The following PPP1R1C variants were observed in gnomAD, a reference collection of about 807,000 sequenced individuals.
PPP1R1C encodes protein phosphatase 1 regulatory subunit 1C.
PPP1R1C carries 15 observed loss-of-function variants against 17.4 expected under a neutral mutation model. The observed-to-expected ratio is 0.86, with a 90% CI of 0.58 to 1.33. The LOEUF (loss-of-function observed/expected upper bound fraction) is 1.33. PPP1R1C is among the 40% of genes most tolerant of loss of function. The pLI is 0.00. For missense variants in PPP1R1C, 143 were observed against 130.0 expected (o/e 1.10, Z -0.48); for synonymous variants, 35 against 43.1 (o/e 0.81, Z 0.73).
At chr2:182,085,804 G>C (rs6739655) in intron 4 of PPP1R1C, among the ~76,000 whole-genome samples, 1 of 151,912 alleles carries the variant, frequency 6.6e-6, no homozygotes, top group African/African-American at 2.4e-5. Context: ...AAAATGGGGC[G>C]GGTGAGCAGG....
At chr2:182,108,033 A>G (rs959655207) in intron 4 of PPP1R1C, among the ~76,000 whole-genome samples, 2 of 151,932 alleles carry the variant, frequency 1.3e-5, no homozygotes, top group African/African-American at 2.4e-5. Context: ...CCTCCTCCCT[A>G]TGGGATCATA....
At position 181,961,109 on chromosome 2, in the gene PPP1R1C, T is replaced by G; in HGVS notation, n.111+6475T>G. On this transcript the variant is annotated intron_variant and non_coding_transcript_variant, in intron 1 of 5. Transcript: ENST00000464264. This position sits in a 1 kb window ranked among gnomAD's most constrained non-coding sequence, Gnocchi z 5.8. ...GCGTGTGTCACATCATCATAGCAGT[T>G]TTCTTGTCTTCCTTCCCTCCCTTCC... 1 of 588,278 alleles carries G rather than the reference T, an allele frequency of 1.7e-6. No homozygotes were observed. The allele number at this position is 588,278 out of a possible 1,614,324, so 36.4% of individuals were successfully genotyped here.
At chr2:181,984,090 C>A (rs1014515125), upstream of PPP1R1C, among the ~76,000 whole-genome samples, 5 of 152,148 alleles carry the variant, frequency 3.3e-5, no homozygotes, top group Non-Finnish European at 7.4e-5. Flanking sequence ...GATAGATATT[C>A]TTAGTGATTC....
intron 4 of PPP1R1C, among the ~76,000 whole-genome samples, chr2:182,075,966 G>A (rs1688285345): frequency 6.6e-6 from 1 of 151,834 alleles, no homozygotes; most frequent in East Asian, 1.9e-4. Flanking sequence ...ATATTTTTGT[G>A]TGGCAAAAAT....
chr2:182,036,920 C>T (rs1464186754), intron 2 of PPP1R1C, among the ~76,000 whole-genome samples: 4 of 152,018 alleles, frequency 2.6e-5, no homozygotes, highest in Non-Finnish European at 5.9e-5. Context: ...AAAGATAAGA[C>T]CTTAGATGTT....
rs149403247 is a variant in PPP1R1C at position 182,035,998 on chromosome 2, C to T, written c.143-25444C>T. Among the ~76,000 whole-genome samples, 970 of 152,242 alleles carry T rather than the reference C, an allele frequency of 6.4e-3. 20 individuals are homozygous for T. Among genetic ancestry groups the T allele is most frequent in the Admixed American group, 0.033 (507 of 15,278 alleles). On this transcript the variant is annotated intron_variant, in intron 2 of 4. Transcript: ENST00000682840. ...ATTTCATTGTGTGTTTATACACACACACACACACACACATTTGCTTTTCCA... is the reference window on the plus strand; with the variant it reads ...ATTTCATTGTGTGTTTATACACACATACACACACACACATTTGCTTTTCCA...
intron 2 of PPP1R1C, among the ~76,000 whole-genome samples, chr2:182,027,809 TG>T (rs982106690): frequency 6.7e-6 from 1 of 148,266 alleles, no homozygotes; most frequent in African/African-American, 2.5e-5. Flanking sequence ...CTTGTACCTC[TG>T]GTAGAATTCG....
At chr2:182,002,927 A>ACCCCCCCCC (rs200353111) in intron 2 of PPP1R1C, among the ~76,000 whole-genome samples, 25 of 90,896 alleles carry the variant, frequency 2.8e-4, no homozygotes, top group South Asian at 3.9e-4. Context: ...GATGCCATAA[A>ACCCCCCCCC]CCTCCCCCCC....
chr2:181,982,827 T>C (rs1004438087), upstream of PPP1R1C, among the ~76,000 whole-genome samples: 1 of 152,148 alleles, frequency 6.6e-6, no homozygotes, highest in African/African-American at 2.4e-5. Flanking sequence ...TGGCCTATTT[T>C]CCTAATGTTT....
At chr2:181,970,236 G>C (rs1183104657) in intron 1 of PPP1R1C, among the ~76,000 whole-genome samples, 2 of 151,850 alleles carry the variant, frequency 1.3e-5, no homozygotes, top group Admixed American at 1.3e-4. Flanking sequence ...ATTTATTATA[G>C]TCTTTGCAGT....
chr2:181,985,208 C>T (rs1685267270), upstream of PPP1R1C, among the ~76,000 whole-genome samples: 1 of 152,122 alleles, frequency 6.6e-6, no homozygotes, highest in African/African-American at 2.4e-5. The surrounding 1 kb of genome is among the most constrained non-coding windows in gnomAD (Gnocchi z 4.1). Flanking sequence ...AATTTAGCAG[C>T]ACAATACTTT....
intron 2 of PPP1R1C, among the ~76,000 whole-genome samples, chr2:182,003,661 TAGTC>T (rs1428075298): frequency 2.0e-5 from 3 of 149,126 alleles, no homozygotes; most frequent in African/African-American, 7.4e-5. Context: ...ATAAACTCAA[TAGTC>T]AGCCTCTATG....
At chr2:182,041,090 G>T (rs1037244494) in intron 2 of PPP1R1C, among the ~76,000 whole-genome samples, 4 of 152,034 alleles carry the variant, frequency 2.6e-5, no homozygotes, top group Non-Finnish European at 4.4e-5. Context: ...AATGCGATAC[G>T]TCCAGATTTG....
chr2:181,987,937 A>C (rs1559046732), intron 2 of PPP1R1C, 38 bp downstream of exon 2: 1 of 1,536,672 alleles, frequency 6.5e-7, no homozygotes, highest in Non-Finnish European at 8.9e-7. Context: ...GATGGAACAG[A>C]ATGGAATTGT....
chr2:182,087,623 T>C (rs1559087688), intron 4 of PPP1R1C, among the ~76,000 whole-genome samples: 1 of 152,124 alleles, frequency 6.6e-6, no homozygotes. Flanking sequence ...GAAATATCTG[T>C]TGAGTGAATG....
At chr2:182,045,442 A>AC (rs1248742945) in intron 2 of PPP1R1C, among the ~76,000 whole-genome samples, 5 of 19,764 alleles carry the variant, frequency 2.5e-4, no homozygotes, top group South Asian at 1.4e-3. Context: ...GTTAGTAACA[A>AC]AAAAAAAAAA....
chr2:181,960,531 A>G (rs1684753839), intron 1 of PPP1R1C, among the ~76,000 whole-genome samples: 1 of 152,194 alleles, frequency 6.6e-6, no homozygotes, highest in African/African-American at 2.4e-5. Flanking sequence ...GAACAACCTC[A>G]ATGTCACATG....
intron 3 of PPP1R1C, among the ~76,000 whole-genome samples, chr2:182,062,227 A>G (rs1036858448): frequency 2.0e-5 from 3 of 152,160 alleles, no homozygotes; most frequent in African/African-American, 4.8e-5. Context: ...ATCAAATAGT[A>G]TATCACAAGA....
chr2:182,110,543 G>GTAAC (rs1461325426), intron 4 of PPP1R1C, among the ~76,000 whole-genome samples: 5 of 152,074 alleles, frequency 3.3e-5, no homozygotes, highest in African/African-American at 1.2e-4. Flanking sequence ...GTAGCCTGTG[G>GTAAC]TAACCATTGC....
Sources: gnomAD v4.1 joint callset for allele counts (sites outside exome capture counted in the v4.1 genomes callset) on GRCh38, gnomAD v4.1.1 for gene constraint, Gnocchi (gnomAD v3.1) non-coding constraint, MANE v1.5 for transcripts, NCBI Gene and HGNC (gene_info 2026-07-23, HGNC 2026-07-21) for gene names.